VXN: variants seen among roughly 807,000 people sequenced by gnomAD.
VXN encodes the protein uncharacterized protein C8orf46.
In VXN, 7 loss-of-function variants were observed where a neutral mutation model predicts 23.1. The observed-to-expected ratio is 0.30, with a 90% CI of 0.17 to 0.57. The LOEUF (loss-of-function observed/expected upper bound fraction) is 0.57, where lower values mean the gene tolerates loss of function less well. Ranked by LOEUF, VXN falls within the 20% of genes least tolerant of loss-of-function variation. The probability of loss-of-function intolerance (pLI) is 0.91; values close to 1 mark genes in which losing one functional copy is unlikely to be tolerated. For missense variants in VXN, 238 were observed against 272.6 expected, an observed-to-expected ratio of 0.87 and a Z score of 0.89; for synonymous variants, 120 against 105.8, an observed-to-expected ratio of 1.13 and a Z score of -0.83.
chr8:66,499,396 C>T (rs1807665141), intron 2 of VXN, among the ~76,000 whole-genome samples: 1 of 151,748 alleles, frequency 6.6e-6, no homozygotes, highest in African/African-American at 2.4e-5. Context: ...CCATGCCCAG[C>T]TAATTTTTGT....
intron 3 of VXN, among the ~76,000 whole-genome samples, chr8:66,509,081 A>G (rs1807792670): frequency 6.6e-6 from 1 of 152,258 alleles, no homozygotes; most frequent in Non-Finnish European, 1.5e-5. Context: ...TGGCGTACAG[A>G]CAAAAATGTG....
At position 66,505,360 on chromosome 8, in the gene VXN, TC is replaced by T; in HGVS notation, c.127-10del. 7 of 1,573,420 alleles carry T rather than the reference TC, an allele frequency of 4.4e-6. No individual in the cohort carries two copies. The highest frequency in any genetic ancestry group is 2.3e-5 in the East Asian group (1 of 43,252). ...AGCAGAGGAGTGGGCTAACCGCGTT[TC>T]CCCCGCCCGGCAGGTGGTGATCGAG... On this transcript the variant is annotated splice_polypyrimidine_tract_variant and intron_variant, in intron 2 of 5. Transcript: ENST00000305454.
intron 5 of VXN, chr8:66,513,983 C>T (rs1343091127): frequency 4.7e-6 from 1 of 214,758 alleles, no homozygotes; most frequent in Non-Finnish European, 9.0e-6. Flanking sequence ...TCAGAAATAT[C>T]TCATGAGTAA....
At chr8:66,513,697 C>T (rs1043752158) in intron 5 of VXN, 60 bp downstream of exon 5, 23 of 1,436,192 alleles carry the variant, frequency 1.6e-5, no homozygotes, top group Admixed American at 1.9e-5. Context: ...ATCCTTCCTT[C>T]CCCAGAAGAG....
chr8:66,511,044 C>T (rs1311477023), intron 4 of VXN, among the ~76,000 whole-genome samples: 1 of 152,198 alleles, frequency 6.6e-6, no homozygotes, highest in East Asian at 1.9e-4. Context: ...AGGGTGTGAC[C>T]TTGACAAGGT....
chr8:66,508,078 AT>A (rs1375053293), intron 3 of VXN, among the ~76,000 whole-genome samples: 4 of 151,770 alleles, frequency 2.6e-5, no homozygotes, highest in Admixed American at 6.6e-5. Flanking sequence ...TTCTTCAGAG[AT>A]GTCCTCAGGC....
chr8:66,505,528 G>C lies in VXN; in HGVS notation c.280G>C (p.Val94Leu). The C allele has an allele frequency of 6.7e-7, 1 of 1,501,442 alleles. No individual in the cohort carries two copies. The highest frequency in any genetic ancestry group is 8.9e-7 in the Non-Finnish European group (1 of 1,129,298). The allele number at this position is 1,501,442 out of a possible 1,614,324, so 93.0% of individuals were successfully genotyped here. Residue 94 changes from valine (V) to leucine (L), a missense_variant and splice_region_variant, in exon 3 of 6, where the codon GTG (valine) becomes CTG (leucine). Physicochemically the swap from Val to Leu is conservative, Grantham distance 32. Transcript: ENST00000305454. ...CCCGGCCAAAGCCTCTGCCAGACCCGGTACGTGAGTCCCGGCCCCAGCTCC... is the reference window on the plus strand; with the variant it reads ...CCCGGCCAAAGCCTCTGCCAGACCCCGTACGTGAGTCCCGGCCCCAGCTCC... ...AHPAKASARP[V>L]GISEPKTSNL...
At chr8:66,497,426 G>C (rs941080490) in intron 2 of VXN, among the ~76,000 whole-genome samples, 13 of 152,270 alleles carry the variant, frequency 8.5e-5, no homozygotes, top group African/African-American at 3.1e-4. Flanking sequence ...AGTAATGCTT[G>C]TCCATTTACC....
chr8:66,505,310 G>A (rs1353505327), intron 2 of VXN, 65 bp from the exon 3 acceptor site: 1 of 1,546,526 alleles, frequency 6.5e-7, no homozygotes, highest in Non-Finnish European at 8.8e-7. Flanking sequence ...CTCCTGCCCT[G>A]GGGTTCCATG....
At chr8:66,504,523 T>A (rs1215330061) in intron 2 of VXN, among the ~76,000 whole-genome samples, 2 of 151,876 alleles carry the variant, frequency 1.3e-5, no homozygotes, top group Non-Finnish European at 2.9e-5. Flanking sequence ...AAATGGCTAC[T>A]ATTTGTCTCA....
At chr8:66,503,100 C>T (rs1449418730) in intron 2 of VXN, among the ~76,000 whole-genome samples, 1 of 152,148 alleles carries the variant, frequency 6.6e-6, no homozygotes, top group Admixed American at 6.5e-5. Context: ...GCCACCTCAT[C>T]CTCCCAAAGT....
Position 66,498,719 on chromosome 8 carries a change from G to A in VXN, c.126+2227G>A, listed in dbSNP as rs540021103. The A allele has an allele frequency of 1.8e-4, 70 of 383,404 alleles. 1 individual carries two copies. Among genetic ancestry groups the A allele is most frequent in the East Asian group, 2.9e-4 (4 of 13,758 alleles). The allele number at this position is 383,404 out of a possible 1,614,324, so 23.8% of individuals were successfully genotyped here. ...TGGACAAAGGGATGATTCATGCCCCGGGAGGGGATATGCAGATTGGTGTGA... is the reference window on the plus strand; with the variant it reads ...TGGACAAAGGGATGATTCATGCCCCAGGAGGGGATATGCAGATTGGTGTGA... On this transcript the variant is annotated intron_variant, in intron 2 of 5. Coordinates refer to ENST00000305454, the MANE Select transcript of VXN (RefSeq NM_152765.4).
At chr8:66,503,134 C>A (rs150762691) in intron 2 of VXN, among the ~76,000 whole-genome samples, 127 of 152,348 alleles carry the variant, frequency 8.3e-4, no homozygotes, top group African/African-American at 2.9e-3. Context: ...GCATAAGCCA[C>A]TGCGCCCAGC....
intron 2 of VXN, among the ~76,000 whole-genome samples, chr8:66,502,741 T>C (rs942129417): frequency 6.6e-6 from 1 of 151,604 alleles, no homozygotes; most frequent in Non-Finnish European, 1.5e-5. Flanking sequence ...AGAGTGAGAC[T>C]CCGTCTCAAA....
At chr8:66,498,720 G>A (rs1746652571) in intron 2 of VXN, 1 of 382,608 alleles carries the variant, frequency 2.6e-6, no homozygotes, top group Non-Finnish European at 5.3e-6. Context: ...TCATGCCCCG[G>A]GAGGGGATAT....
At chr8:66,514,125 C>T (rs923056453) in intron 5 of VXN, 8 of 167,708 alleles carry the variant, frequency 4.8e-5, no homozygotes, top group Non-Finnish European at 8.8e-5. Flanking sequence ...GGATAACCCC[C>T]GACACCCCTC....
rs780910027 is a variant in VXN, at chr8:66,510,127, G to T, written c.312G>T (p.Leu104=). The T allele has an allele frequency of 1.2e-6, 2 of 1,613,592 alleles. No individual in the cohort carries two copies. The highest frequency in any genetic ancestry group is 1.7e-6 in the Non-Finnish European group (2 of 1,179,808). Residue 104 remains leucine, a synonymous_variant, in exon 4 of 6, where the codon CTG becomes CTT. Transcript: ENST00000305454. ...VGISEPKTSN[L]CGNRAYGKSL... is the part of the protein sequence containing the mutation. ...TTTCTGAACCCAAAACATCAAATCT[G>T]TGTGGGAATCGAGCATATGGAAAAT...
chr8:66,496,055 T>A (rs1467071146), intron 1 of VXN, among the ~76,000 whole-genome samples: 1 of 152,244 alleles, frequency 6.6e-6, no homozygotes, highest in Non-Finnish European at 1.5e-5. Flanking sequence ...AATTGTAGAC[T>A]ATGTGACATT....
chr8:66,493,582 C>T lies in VXN; in HGVS notation c.-67C>T, dbSNP rs1807588524. ...CCCTGAGCCAGACTGGATTAGGATG[C>T]CTCGCGACTAGGGGTCCAGAGACAG... On this transcript the variant is annotated 5_prime_UTR_variant, in exon 1 of 6. Transcript: ENST00000305454. The T allele has an allele frequency of 6.0e-6, 8 of 1,344,316 alleles. No homozygotes were observed. Among genetic ancestry groups the T allele is most frequent in the East Asian group, 4.6e-5 (2 of 43,702 alleles). 83.3% of individuals were successfully genotyped at this position (1,344,316 alleles called of 1,614,324 possible). A position where few individuals can be genotyped will look rare whatever the true frequency, so the allele number is the denominator to read the frequency against.
Sources: allele counts gnomAD v4.1 joint callset (sites outside exome capture counted in the v4.1 genomes callset), GRCh38; gene constraint gnomAD v4.1.1; transcripts MANE v1.5; gene names NCBI Gene and HGNC (gene_info 2026-07-23, HGNC 2026-07-21).